PLCG2: variants seen among roughly 807,000 people sequenced by gnomAD.
PLCG2 encodes 1-phosphatidylinositol 4,5-bisphosphate phosphodiesterase gamma-2.
PLCG2 carries 69 observed loss-of-function variants against 175.6 expected under a neutral mutation model. The observed-to-expected ratio is 0.39, with a 90% CI of 0.32 to 0.48. The LOEUF (loss-of-function observed/expected upper bound fraction) is 0.48. Ranked by LOEUF, PLCG2 falls within the 20% of genes least tolerant of loss-of-function variation. The pLI is 0.91. For missense variants in PLCG2, 1,798 were observed against 1,650.9 expected (o/e 1.09, Z -1.54); for synonymous variants, 827 against 624.0 (o/e 1.33, Z -4.85).
At chr16:81,839,470 A>G (rs951725747) in intron 2 of PLCG2, among the ~76,000 whole-genome samples, 4 of 152,188 alleles carry the variant, frequency 2.6e-5, no homozygotes, top group African/African-American at 4.8e-5. Context: ...AATAGGCTGT[A>G]TATAAAGTAA....
chr16:81,903,678 C>T (rs1004065535), intron 14 of PLCG2, among the ~76,000 whole-genome samples: 1 of 152,160 alleles, frequency 6.6e-6, no homozygotes, highest in African/African-American at 2.4e-5. Context: ...ATGGAGGGTC[C>T]ATGGCTTCTC....
At chr16:81,810,456 C>G (rs9806951) in intron 2 of PLCG2, among the ~76,000 whole-genome samples, 103,023 of 152,064 alleles carry the variant, frequency 0.68, 35,292 homozygotes, top group East Asian at 0.91. Flanking sequence ...AACCTGCAAA[C>G]CAGTAGTTCT....
intron 2 of PLCG2, among the ~76,000 whole-genome samples, chr16:81,769,675 C>T (rs902548882): frequency 6.6e-6 from 1 of 151,780 alleles, no homozygotes; most frequent in Admixed American, 6.6e-5. Flanking sequence ...AAAAAATTAG[C>T]CGGGCGTAGT....
At position 81,956,700 on chromosome 16, in the gene PLCG2, C is replaced by A. The variant is rs767695750; in HGVS notation, c.3576C>A (p.Ser1192Arg). The A allele has an allele frequency of 6.2e-7, 1 of 1,613,400 alleles. No individual in the cohort carries two copies. Among genetic ancestry groups the A allele is most frequent in the Non-Finnish European group, 8.5e-7 (1 of 1,179,740 alleles). ...VFCEMRPVLE[S>R]EEELYSSCRQ... The stretch of plus-strand genomic sequence containing the variant: ...CTCTCCCCTGCATCCTCCAGGAGAG[C>A]GAAGAGGAACTTTACTCCTCCTGTC... Residue 1192 changes from serine to arginine, a missense_variant, in exon 32 of 33, where the codon AGC becomes AGA. Coordinates refer to ENST00000564138, the MANE Select transcript of PLCG2 (RefSeq NM_002661.5).
At chr16:81,904,839 C>A (rs557396309) in intron 14 of PLCG2, among the ~76,000 whole-genome samples, 61 of 152,236 alleles carry the variant, frequency 4.0e-4, no homozygotes, top group African/African-American at 1.4e-3. Flanking sequence ...ATAAAGCAGG[C>A]TTGGGGCTAG....
chr16:81,918,678 G>A (rs550985103), intron 19 of PLCG2, among the ~76,000 whole-genome samples: 62 of 152,278 alleles, frequency 4.1e-4, no homozygotes, highest in African/African-American at 1.5e-3. Flanking sequence ...AAGTAAGATA[G>A]TGTGCTATCT....
chr16:81,931,214 C>A (rs1044807630), intron 24 of PLCG2: 1 of 240,244 alleles, frequency 4.2e-6, no homozygotes, highest in Non-Finnish European at 8.0e-6. Flanking sequence ...ATATTGAGAT[C>A]CTTAACCTAA....
intron 31 of PLCG2, among the ~76,000 whole-genome samples, chr16:81,946,861 G>C (rs975147883): frequency 4.0e-5 from 6 of 151,804 alleles, no homozygotes; most frequent in African/African-American, 1.5e-4. Context: ...GGCTTTAGCA[G>C]AAGCCTTAAA....
chr16:81,889,375 T>G lies in PLCG2; in HGVS notation c.867+102T>G, dbSNP rs1360948873. Reference sequence around the variant, plus strand: ...TTTGTCTTTCCTTGGAGAACTTTGCTGTATGATGTTGCCTCGACTGACTGG... The same window carrying G: ...TTTGTCTTTCCTTGGAGAACTTTGCGGTATGATGTTGCCTCGACTGACTGG... On this transcript the variant is annotated intron_variant, in intron 10 of 32. Transcript: ENST00000564138. The G allele has an allele frequency of 7.2e-6, 5 of 694,160 alleles. No homozygotes were observed. The African/African-American group carries it at 9.0e-5, about 12-fold the overall frequency. The allele number at this position is 694,160 out of a possible 1,614,324, so 43.0% of individuals were successfully genotyped here. A position where few individuals can be genotyped will look rare whatever the true frequency, so the allele number is the denominator to read the frequency against.
intron 29 of PLCG2, among the ~76,000 whole-genome samples, chr16:81,939,446 C>T (rs1181798448): frequency 1.3e-5 from 2 of 152,166 alleles, no homozygotes; most frequent in Non-Finnish European, 2.9e-5. Flanking sequence ...AGATGCTGAC[C>T]AAATAAACTG....
At chr16:81,921,963 A>G (rs1253813071) in intron 21 of PLCG2, among the ~76,000 whole-genome samples, 1 of 152,246 alleles carries the variant, frequency 6.6e-6, no homozygotes, top group East Asian at 1.9e-4. Context: ...TGTGTGTGAA[A>G]TGCATTAAGA....
chr16:81,857,258 T>G (rs1479840517), intron 3 of PLCG2, among the ~76,000 whole-genome samples: 2 of 152,170 alleles, frequency 1.3e-5, no homozygotes, highest in African/African-American at 2.4e-5. Context: ...TTGAAAAGCC[T>G]TCAAGTGATT....
At chr16:81,790,658 A>G (rs1419542715) in intron 2 of PLCG2, among the ~76,000 whole-genome samples, 3 of 152,156 alleles carry the variant, frequency 2.0e-5, no homozygotes, top group Non-Finnish European at 2.9e-5. Context: ...TAGTTGGCAA[A>G]TGGTGTGTGA....
intron 2 of PLCG2, among the ~76,000 whole-genome samples, chr16:81,758,573 A>G (rs1000759220): frequency 6.6e-6 from 1 of 152,120 alleles, no homozygotes; most frequent in Non-Finnish European, 1.5e-5. Context: ...AGGAACTGCT[A>G]AACTATTTTC....
chr16:81,919,861 G>A (rs192368934), intron 20 of PLCG2, among the ~76,000 whole-genome samples, 197 bp downstream of exon 20: 5 of 152,182 alleles, frequency 3.3e-5, no homozygotes, highest in Non-Finnish European at 7.3e-5. Context: ...TGCAACAAAT[G>A]ACATTTAAAA....
chr16:81,812,950 G>T (rs541380971), intron 2 of PLCG2, among the ~76,000 whole-genome samples: 27 of 152,286 alleles, frequency 1.8e-4, no homozygotes, highest in African/African-American at 6.5e-4. Context: ...CCCGTTGCTT[G>T]TTTTTGTCAA....
chr16:81,936,021 G>A, intron 26 of PLCG2, 148 bp from the exon 27 acceptor site: 1 of 1,448,300 alleles, frequency 6.9e-7, no homozygotes, highest in Non-Finnish European at 9.0e-7. Context: ...GATACCAATT[G>A]GGACAATATC....
chr16:81,892,470 G>C (rs910276688), intron 11 of PLCG2, among the ~76,000 whole-genome samples: 3 of 152,106 alleles, frequency 2.0e-5, no homozygotes, highest in Non-Finnish European at 4.4e-5. Context: ...ACATTCCAGG[G>C]GGTCATCTGG....
intron 2 of PLCG2, among the ~76,000 whole-genome samples, chr16:81,822,482 G>T (rs1199152999): frequency 6.6e-6 from 1 of 152,090 alleles, no homozygotes; most frequent in Non-Finnish European, 1.5e-5. Context: ...CGGGGCTGGG[G>T]GCAGTGGCTC....
Sources: gnomAD v4.1 joint callset for allele counts (sites outside exome capture counted in the v4.1 genomes callset) on GRCh38, gnomAD v4.1.1 for gene constraint, MANE v1.5 for transcripts, NCBI Gene and HGNC (gene_info 2026-07-23, HGNC 2026-07-21) for gene names.